The following ZNF276 variants were observed in gnomAD, a reference collection of about 807,000 sequenced individuals.
The protein encoded by ZNF276 is centromere protein Z.
A neutral mutation model predicts 63.9 loss-of-function variants in ZNF276; 59 were observed. That is an observed-to-expected ratio of 0.92 (90% CI 0.75 to 1.15). ZNF276 has a LOEUF of 1.15. Ranked by LOEUF, ZNF276 falls within the 50% of genes most tolerant of loss-of-function variation. ZNF276 has a pLI of 0.00. For synonymous variants in ZNF276, 496 were observed against 348.4 expected (o/e 1.42, Z -4.72); for missense variants, 1,084 against 843.8 (o/e 1.28, Z -3.53).
rs1294231215 is a variant in ZNF276, at chr16:89,737,865, C to T, written c.1534C>T (p.Leu512Phe). 9 of 1,614,094 alleles carry T rather than the reference C, an allele frequency of 5.6e-6. No homozygotes were observed. Among genetic ancestry groups the T allele is most frequent in the African/African-American group, 1.3e-5 (1 of 74,918 alleles). ...AACCTTCAAGCAGCGGAAGCACCTT[C>T]TCGTCCACCAAATGCGACATTCGGG... ...GQTFKQRKHL[L>F]VHQMRHSGAK... is the part of the protein sequence containing the mutation. Residue 512 changes from leucine to phenylalanine, a missense_variant, in exon 10 of 11, where the codon CTC becomes TTC. Leu to Phe is a conservative substitution (Grantham distance 22, BLOSUM62 0). Transcript: ENST00000443381.
chr16:89,722,554 G>A lies in ZNF276; in HGVS notation c.229G>A (p.Gly77Ser), dbSNP rs757718339. 8.1e-6 allele frequency: 13 copies of A among 1,612,292 alleles called. No homozygotes were observed. In the South Asian group the frequency reaches 1.3e-4, roughly 16 times the overall value. The change falls in exon 2 of 11, where the codon GGT becomes AGT. Residue 77 changes from glycine to serine, a missense_variant. Transcript: ENST00000443381. ...AGGAGCAGGCCGGGCTCTCGCCATG[G>A]GTCACTGTCGCCTCTGCCACGGGAA... ...EAGAGRALAM[G>S]HCRLCHGKFS...
upstream of ZNF276, chr16:89,720,745 G>C (rs1012569498): frequency 7.0e-7 from 1 of 1,431,452 alleles, no homozygotes; most frequent in East Asian, 3.1e-5. Flanking sequence ...GCCAAGCCCC[G>C]CCCCCGCCCC....
intron 9 of ZNF276, among the ~76,000 whole-genome samples, chr16:89,734,938 C>T (rs927505937): frequency 6.6e-6 from 1 of 152,146 alleles, no homozygotes; most frequent in African/African-American, 2.4e-5. Flanking sequence ...GTGGGTGGAT[C>T]ACCTGAGGTC....
Position 89,733,912 on chromosome 16 carries a change from C to A in ZNF276, c.1357-9C>A, listed in dbSNP as rs758219288. The A allele has an allele frequency of 1.2e-5, 20 of 1,613,162 alleles. 1 individual carries two copies. The South Asian group carries it at 2.1e-4, about 17-fold the overall frequency. ...GCTCTGAGGGTCTCTCACCGAGTCTCTCCTTCAGAAGCACATCAAGGAGCA... is the reference window on the plus strand; with the variant it reads ...GCTCTGAGGGTCTCTCACCGAGTCTATCCTTCAGAAGCACATCAAGGAGCA... On this transcript the variant is annotated splice_polypyrimidine_tract_variant and intron_variant, in intron 8 of 10. Coordinates refer to ENST00000443381, the MANE Select transcript of ZNF276 (RefSeq NM_001113525.2).
intron 9 of ZNF276, among the ~76,000 whole-genome samples, 185 bp downstream of exon 9, chr16:89,734,223 C>T (rs1357052516): frequency 6.6e-6 from 1 of 152,234 alleles, no homozygotes; most frequent in Admixed American, 6.5e-5. Flanking sequence ...TGAATCTGCC[C>T]TTCCCTGTGA....
upstream of ZNF276, chr16:89,720,663 A>C: frequency 8.1e-7 from 1 of 1,238,668 alleles, no homozygotes; most frequent in Non-Finnish European, 1.0e-6. Context: ...GCCCGCTCCC[A>C]AGTCTCCAGC....
intron 9 of ZNF276, chr16:89,737,482 C>T: frequency 2.8e-6 from 1 of 351,992 alleles, no homozygotes; most frequent in Non-Finnish European, 5.3e-6. Context: ...GATCACGCCA[C>T]CGCACTGCAG....
At chr16:89,733,701 C>A in intron 8 of ZNF276, 144 bp downstream of exon 8, 1 of 1,000,860 alleles carries the variant, frequency 1.0e-6, no homozygotes, top group Non-Finnish European at 1.5e-6. Context: ...CAGTCCTAGC[C>A]AGTGCCATCC....
At chr16:89,734,498 G>T (rs939006814) in intron 9 of ZNF276, among the ~76,000 whole-genome samples, 1 of 152,080 alleles carries the variant, frequency 6.6e-6, no homozygotes, top group African/African-American at 2.4e-5. Flanking sequence ...GCTAATTTTT[G>T]TAATTTTTGG....
chr16:89,734,117 T>G, intron 9 of ZNF276, 79 bp downstream of exon 9: 3 of 1,374,410 alleles, frequency 2.2e-6, no homozygotes, highest in Non-Finnish European at 3.0e-6. Context: ...CTCATACCCA[T>G]CCCCGCCCCA....
chr16:89,740,849 G>C lies in ZNF276; in HGVS notation c.*2603G>C. On this transcript the variant is annotated 3_prime_UTR_variant, in exon 11 of 11. Transcript: ENST00000443381. ...ACAGCAGGCCCATCAAGGAGAAGAA[G>C]AAAAGGAAAACCAATAGCTGTAAAT... The C allele has an allele frequency of 6.2e-7, 1 of 1,613,358 alleles. No individual in the cohort carries two copies. Among genetic ancestry groups the C allele is most frequent in the Non-Finnish European group, 8.5e-7 (1 of 1,179,590 alleles).
intron 4 of ZNF276, among the ~76,000 whole-genome samples, chr16:89,725,112 C>T (rs2061430613): frequency 6.8e-6 from 1 of 147,896 alleles, no homozygotes; most frequent in East Asian, 2.0e-4. Context: ...TGGGGTTTCA[C>T]CATGTGGGCC....
At chr16:89,726,060 G>A (rs1336065480) in intron 4 of ZNF276, among the ~76,000 whole-genome samples, 1 of 152,208 alleles carries the variant, frequency 6.6e-6, no homozygotes, top group Non-Finnish European at 1.5e-5. Flanking sequence ...CTGTCGCCCA[G>A]GCTCGAGTGC....
chr16:89,735,545 G>C (rs2061830028), intron 9 of ZNF276, among the ~76,000 whole-genome samples: 2 of 152,000 alleles, frequency 1.3e-5, no homozygotes, highest in Admixed American at 1.3e-4. Flanking sequence ...CATCTGTCCG[G>C]TCACTGATGG....
At position 89,738,539 on chromosome 16, in the gene ZNF276, A is replaced by C; in HGVS notation, c.*293A>C. ...CACTTTTTAGTGCAACAAGAGCTCC[A>C]TGTTATGCTTGTAATAAATTATTTA... On this transcript the variant is annotated 3_prime_UTR_variant, in exon 11 of 11. Coordinates refer to ENST00000443381, the MANE Select transcript of ZNF276 (RefSeq NM_001113525.2). 6 of 1,608,038 alleles carry C rather than the reference A, an allele frequency of 3.7e-6. No homozygotes were observed. In the Admixed American group the frequency reaches 6.7e-5, roughly 18 times the overall value.
rs547622392 is a variant in ZNF276 at position 89,728,452 on chromosome 16, G to T, written c.1086-783G>T. On this transcript the variant is annotated intron_variant, in intron 5 of 10. Coordinates refer to ENST00000443381, the MANE Select transcript of ZNF276 (RefSeq NM_001113525.2). ...GGAGTCTCGCTGTGTTGCCCAGGCTGGAGTGCAGTGGCACAATCTCGGCTC... is the reference window on the plus strand; with the variant it reads ...GGAGTCTCGCTGTGTTGCCCAGGCTTGAGTGCAGTGGCACAATCTCGGCTC... 4.0e-4 allele frequency among the ~76,000 whole-genome samples: 61 copies of T among 152,114 alleles called. No homozygotes were observed. The South Asian group carries it at 0.012, about 30-fold the overall frequency.
intron 5 of ZNF276, among the ~76,000 whole-genome samples, chr16:89,728,319 C>T (rs895588458): frequency 2.8e-4 from 42 of 151,352 alleles, no homozygotes; most frequent in African/African-American, 8.5e-4. Context: ...CCACCTCCCG[C>T]GTTCAAGTGA....
At position 89,724,640 on chromosome 16, in the gene ZNF276, C is replaced by T. The variant is rs2151665936; in HGVS notation, c.1006+931C>T. Among the ~76,000 whole-genome samples the T allele has an allele frequency of 2.0e-5, 3 of 152,318 alleles. No individual in the cohort carries two copies. In the Middle Eastern group the frequency reaches 0.01, roughly 518 times the overall value. ...CCAGCCTGGGTGACAGAGCAAGACT[C>T]TGTCCCAAACAGAAACACAGCTACC... On this transcript the variant is annotated intron_variant, in intron 4 of 10. Coordinates refer to ENST00000443381, the MANE Select transcript of ZNF276 (RefSeq NM_001113525.2).
Position 89,723,190 on chromosome 16 carries a change from C to T in ZNF276, c.556+7C>T, listed in dbSNP as rs373537733. 47 of 1,613,072 alleles carry T rather than the reference C, an allele frequency of 2.9e-5. No individual in the cohort carries two copies. The African/African-American group carries it at 5.2e-4, about 18-fold the overall frequency. On this transcript the variant is annotated splice_region_variant and intron_variant, in intron 3 of 10. Transcript: ENST00000443381. ...GAGGAGGGAGCGTGTCTGGGTGAGT[C>T]CTCCCCCGGTGGAGGGTGGGCTGGG... is the stretch of plus-strand genomic sequence containing the variant.
Sources: allele counts gnomAD v4.1 joint callset (sites outside exome capture counted in the v4.1 genomes callset), GRCh38; gene constraint gnomAD v4.1.1; transcripts MANE v1.5; gene names NCBI Gene and HGNC (gene_info 2026-07-23, HGNC 2026-07-21).